Variants in ERC2 observed in about 807,000 individuals in gnomAD.
ERC2 encodes the protein ERC protein 2.
In ERC2, 42 loss-of-function variants were observed where a neutral mutation model predicts 114.8. The observed-to-expected ratio is 0.37, with a 90% CI of 0.29 to 0.47. ERC2 has a LOEUF of 0.47. Ranked by LOEUF, ERC2 falls within the 20% of genes least tolerant of loss-of-function variation. The pLI is 0.99. For missense variants in ERC2, 939 were observed against 1,150.7 expected (o/e 0.82, Z 2.66); for synonymous variants, 454 against 425.5 (o/e 1.07, Z -0.82).
chr3:55,946,313 C>G (rs1251851366), intron 13 of ERC2, among the ~76,000 whole-genome samples: 1 of 152,158 alleles, frequency 6.6e-6, no homozygotes, highest in Non-Finnish European at 1.5e-5. Context: ...CTTTCACACA[C>G]AATTCAACAT....
chr3:56,280,583 A>G (rs567034642), intron 3 of ERC2, among the ~76,000 whole-genome samples: 1 of 152,232 alleles, frequency 6.6e-6, no homozygotes, highest in African/African-American at 2.4e-5. Flanking sequence ...AGTCCACTAG[A>G]TGGTTACATG....
chr3:55,543,738 TCTC>T (rs754966916), intron 17 of ERC2, among the ~76,000 whole-genome samples: 1 of 151,882 alleles, frequency 6.6e-6, no homozygotes, highest in African/African-American at 2.4e-5. Context: ...GCAGCATGGA[TCTC>T]CTCGTTCCTG....
intron 17 of ERC2, among the ~76,000 whole-genome samples, chr3:55,672,186 CT>C (rs2061587505): frequency 6.6e-6 from 1 of 151,962 alleles, no homozygotes; most frequent in African/African-American, 2.4e-5. Flanking sequence ...CCCCCCACCC[CT>C]ACACAAATAG....
intron 14 of ERC2, among the ~76,000 whole-genome samples, chr3:55,879,239 T>C (rs905905039): frequency 5.9e-5 from 9 of 152,100 alleles, no homozygotes; most frequent in Non-Finnish European, 1.3e-4. Context: ...GTCTTGGAGA[T>C]TGCCTTTGCC....
At chr3:55,518,733 A>G (rs769607619) in intron 17 of ERC2, among the ~76,000 whole-genome samples, 1 of 152,240 alleles carries the variant, frequency 6.6e-6, no homozygotes, top group African/African-American at 2.4e-5. Flanking sequence ...TAAAAATACA[A>G]TGATGTATGC....
At chr3:56,037,139 A>G (rs1455120837) in intron 7 of ERC2, among the ~76,000 whole-genome samples, 2 of 152,218 alleles carry the variant, frequency 1.3e-5, no homozygotes, top group African/African-American at 2.4e-5. Context: ...CAGAGTGCCT[A>G]TTCTCCTCTA....
At chr3:56,276,720 A>T (rs1199276628) in intron 3 of ERC2, among the ~76,000 whole-genome samples, 1 of 152,192 alleles carries the variant, frequency 6.6e-6, no homozygotes, top group Admixed American at 6.5e-5. Context: ...AGAACAACGC[A>T]TGTGCTAGTG....
chr3:56,418,767 T>C (rs1244252822), intron 2 of ERC2, among the ~76,000 whole-genome samples: 1 of 152,218 alleles, frequency 6.6e-6, no homozygotes, highest in Non-Finnish European at 1.5e-5. Flanking sequence ...AGACTTTACA[T>C]GCTGGCCTGA....
intron 2 of ERC2, among the ~76,000 whole-genome samples, chr3:56,324,191 G>T (rs2057253531): frequency 6.6e-6 from 1 of 152,156 alleles, no homozygotes; most frequent in South Asian, 2.1e-4. Context: ...ACTGAAACAA[G>T]ATTAAAGGAT....
In ERC2 at chr3:55,808,721, AT is replaced by A. The variant is rs1559689231; in HGVS notation, c.2565-73804del. Among the ~76,000 whole-genome samples, 28 of 122,186 alleles carry A rather than the reference AT, an allele frequency of 2.3e-4. 2 individuals carry two copies. Among genetic ancestry groups the A allele is most frequent in the African/African-American group, 6.6e-4 (19 of 28,818 alleles). 80.2% of individuals were successfully genotyped at this position (122,186 alleles called of 152,430 possible). On this transcript the variant is annotated intron_variant, in intron 14 of 17. Coordinates refer to ENST00000288221, the MANE Select transcript of ERC2 (RefSeq NM_015576.3). ...TAATTTTATATATATATATATATAT[AT>A]ATATATATATATATATATATAACGT...
At chr3:56,049,397 A>C (rs1184479159) in intron 7 of ERC2, among the ~76,000 whole-genome samples, 3 of 152,210 alleles carry the variant, frequency 2.0e-5, no homozygotes, top group African/African-American at 7.2e-5. Context: ...TTACTCCACA[A>C]TAAAAAAGAA....
At chr3:56,237,865 A>G (rs2051059310) in intron 3 of ERC2, among the ~76,000 whole-genome samples, 1 of 148,238 alleles carries the variant, frequency 6.7e-6, no homozygotes, top group African/African-American at 2.5e-5. Flanking sequence ...ACCCTATTTA[A>G]ATGATTTCTG....
chr3:56,297,958 T>C lies in ERC2; in HGVS notation c.658-1523A>G, dbSNP rs545737298. 2.1e-4 allele frequency among the ~76,000 whole-genome samples: 32 copies of C among 152,340 alleles called. No individual in the cohort carries two copies. The South Asian group carries it at 6.0e-3, about 29-fold the overall frequency. On this transcript the variant is annotated intron_variant, in intron 2 of 17. Coordinates refer to ENST00000288221, the MANE Select transcript of ERC2 (RefSeq NM_015576.3). ...TCATATTCCCATTTATGAATGTCCA[T>C]TGAGAAATTATTAGAGCATTCTCAT...
intron 4 of ERC2, among the ~76,000 whole-genome samples, chr3:56,169,264 G>A (rs1243459430): frequency 6.6e-6 from 1 of 152,120 alleles, no homozygotes; most frequent in Admixed American, 6.5e-5. Context: ...AAATTCTGCT[G>A]AAAACCTGAT....
At chr3:56,322,874 C>T (rs1302575765) in intron 2 of ERC2, among the ~76,000 whole-genome samples, 1 of 152,142 alleles carries the variant, frequency 6.6e-6, no homozygotes, top group Non-Finnish European at 1.5e-5. Context: ...TGATTCCCAA[C>T]GTGACAGTGT....
intron 13 of ERC2, among the ~76,000 whole-genome samples, chr3:55,892,788 A>T (rs1001102617): frequency 1.3e-5 from 2 of 152,144 alleles, no homozygotes; most frequent in African/African-American, 4.8e-5. Context: ...TTTTGTAATT[A>T]AATTGTCTTT....
chr3:55,706,083 T>G (rs1025904190), intron 15 of ERC2, among the ~76,000 whole-genome samples: 2 of 151,952 alleles, frequency 1.3e-5, no homozygotes, highest in African/African-American at 4.8e-5. Context: ...GTTAGGGAGC[T>G]CACGCCCCTG....
intron 3 of ERC2, among the ~76,000 whole-genome samples, chr3:56,271,888 G>A (rs1303541169): frequency 6.6e-6 from 1 of 152,074 alleles, no homozygotes; most frequent in African/African-American, 2.4e-5. Flanking sequence ...TTAGGATGAT[G>A]GTCTCCAGCT....
chr3:56,388,625 T>A (rs2060019673), intron 2 of ERC2, among the ~76,000 whole-genome samples: 1 of 152,202 alleles, frequency 6.6e-6, no homozygotes, highest in Non-Finnish European at 1.5e-5. Context: ...AGACTTCCAA[T>A]GGTTACTTCA....
Sources: gnomAD v4.1 joint callset for allele counts (sites outside exome capture counted in the v4.1 genomes callset) on GRCh38, gnomAD v4.1.1 for gene constraint, MANE v1.5 for transcripts, NCBI Gene and HGNC (gene_info 2026-07-23, HGNC 2026-07-21) for gene names.